Variants in SLC7A9 observed in about 807,000 individuals in gnomAD.
SLC7A9 encodes the protein B(0,+)-type amino acid transporter 1.
Under a neutral mutation model 54.1 loss-of-function variants are expected in SLC7A9, and 38 were observed. The observed-to-expected ratio is 0.70, with a 90% CI of 0.54 to 0.92. The LOEUF (loss-of-function observed/expected upper bound fraction) is 0.92. Ranked by LOEUF, SLC7A9 falls within the 40% of genes least tolerant of loss-of-function variation. The pLI, the probability that SLC7A9 is intolerant of heterozygous loss-of-function variation, is 0.00. For missense variants in SLC7A9, 537 were observed against 636.1 expected, an observed-to-expected ratio of 0.84 and a Z score of 1.68; for synonymous variants, 264 against 258.9, an observed-to-expected ratio of 1.02 and a Z score of -0.19.
rs181452959 is a variant in SLC7A9, at chr19:32,865,175, C to T, written c.88-399G>A. On this transcript the variant is annotated intron_variant, in intron 2 of 12. Transcript: ENST00000023064. ...ACAGCTCACCAATAAGAAAGGCCCT[C>T]GGGATACGCCTCTGAGCCTAGAGTC... is the stretch of plus-strand genomic sequence containing the variant. 1.1e-4 allele frequency among the ~76,000 whole-genome samples: 17 copies of T among 152,290 alleles called. No individual in the cohort carries two copies. In the East Asian group the frequency reaches 2.7e-3, roughly 24 times the overall value.
chr19:32,845,363 C>T (rs10419094), intron 9 of SLC7A9, among the ~76,000 whole-genome samples: 70,243 of 151,338 alleles, frequency 0.46, 17,377 homozygotes, highest in East Asian at 0.72. Context: ...GGTGTGGTGG[C>T]GGGCACCTGT....
rs1359844859 is a variant in SLC7A9, at chr19:32,834,365, C to T, written c.1225-1042G>A. ...AACCTGGAGGCTGGCTGCAGTGGTT[C>T]GCTCCTGTAATCCCAGCACTTTGGG... On this transcript the variant is annotated intron_variant, in intron 11 of 12. Coordinates refer to ENST00000023064, the MANE Select transcript of SLC7A9 (RefSeq NM_014270.5). Among the ~76,000 whole-genome samples, 5 of 152,190 alleles carry T rather than the reference C, an allele frequency of 3.3e-5. No individual in the cohort carries two copies. The South Asian group carries it at 8.3e-4, about 25-fold the overall frequency.
intron 2 of SLC7A9, among the ~76,000 whole-genome samples, chr19:32,867,188 A>G (rs1968996802): frequency 6.6e-6 from 1 of 152,186 alleles, no homozygotes; most frequent in Non-Finnish European, 1.5e-5. Flanking sequence ...ACAGGCATTT[A>G]GAGGGGACTC....
intron 12 of SLC7A9, among the ~76,000 whole-genome samples, chr19:32,832,100 A>ACC (rs1967813680): frequency 6.6e-6 from 1 of 150,990 alleles, no homozygotes; most frequent in African/African-American, 2.4e-5. Flanking sequence ...ACATGATGAA[A>ACC]CCCCGACTCT....
intron 11 of SLC7A9, among the ~76,000 whole-genome samples, chr19:32,839,547 C>T (rs763848113): frequency 1.1e-3 from 145 of 136,086 alleles, no homozygotes; most frequent in Non-Finnish European, 1.8e-3. Context: ...AGTGACACTC[C>T]GTCTCAAAAA....
intron 9 of SLC7A9, among the ~76,000 whole-genome samples, chr19:32,844,349 T>C (rs779912451): frequency 6.6e-6 from 1 of 152,190 alleles, no homozygotes; most frequent in Non-Finnish European, 1.5e-5. Context: ...CCTAGCTATC[T>C]GAAGCTACAT....
chr19:32,846,794 A>G (rs1968311062), intron 9 of SLC7A9, among the ~76,000 whole-genome samples: 1 of 152,216 alleles, frequency 6.6e-6, no homozygotes, highest in Non-Finnish European at 1.5e-5. Flanking sequence ...GACACCTCAC[A>G]TGGCCGGGTA....
intron 12 of SLC7A9, chr19:32,831,290 GTT>G (rs1002457501): frequency 1.3e-5 from 2 of 152,874 alleles, no homozygotes; most frequent in African/African-American, 4.8e-5. Context: ...TAGACTTTTT[GTT>G]TTTGTGTTTT....
At chr19:32,863,986 C>T in intron 4 of SLC7A9, 110 bp downstream of exon 4, 7 of 1,553,228 alleles carry the variant, frequency 4.5e-6, no homozygotes, top group South Asian at 1.1e-5. Flanking sequence ...GATGCCAGGC[C>T]CTGCCTGGGC....
At chr19:32,858,615 T>C (rs1968699546) in intron 8 of SLC7A9, 72 bp from the exon 9 acceptor site, 1 of 1,247,156 alleles carries the variant, frequency 8.0e-7, no homozygotes, top group South Asian at 1.3e-5. Context: ...CCAAAAGCTA[T>C]TCTGGCCTCC....
chr19:32,868,432 C>A lies in SLC7A9; in HGVS notation c.87+16G>T. The A allele has an allele frequency of 6.2e-7, 1 of 1,611,398 alleles. No individual in the cohort carries two copies. The highest frequency in any genetic ancestry group is 8.5e-7 in the Non-Finnish European group (1 of 1,177,614). ...CCTAACCTGCAAAGGGCCTGCCCCA[C>A]CAGAGACCGCCTTACCTCCTTTTGG... On this transcript the variant is annotated intron_variant, in intron 2 of 12. Transcript: ENST00000023064.
intron 9 of SLC7A9, among the ~76,000 whole-genome samples, chr19:32,847,831 G>A (rs1026159735): frequency 8.5e-5 from 13 of 152,254 alleles, no homozygotes; most frequent in Admixed American, 2.0e-4. Context: ...GACTAACAGC[G>A]GATCTCTTGG....
chr19:32,865,763 G>A (rs1025388080), intron 2 of SLC7A9, among the ~76,000 whole-genome samples: 1 of 152,132 alleles, frequency 6.6e-6, no homozygotes, highest in Admixed American at 6.5e-5. Context: ...CTGAGGTTGG[G>A]AGTGGGAGAC....
Position 32,868,443 on chromosome 19 carries a change from C to A in SLC7A9, c.87+5G>T. On this transcript the variant is annotated splice_donor_5th_base_variant and intron_variant, in intron 2 of 12. Coordinates refer to ENST00000023064, the MANE Select transcript of SLC7A9 (RefSeq NM_014270.5). ...AAGGGCCTGCCCCACCAGAGACCGCCTTACCTCCTTTTGGAGACTGGTGGT... is the reference window on the plus strand; with the variant it reads ...AAGGGCCTGCCCCACCAGAGACCGCATTACCTCCTTTTGGAGACTGGTGGT... The A allele has an allele frequency of 6.2e-7, 1 of 1,613,494 alleles. No homozygotes were observed. The highest frequency in any genetic ancestry group is 8.5e-7 in the Non-Finnish European group (1 of 1,179,460).
chr19:32,857,422 CGACAGAGTGA>C (rs1968660359), intron 9 of SLC7A9, among the ~76,000 whole-genome samples: 1 of 151,674 alleles, frequency 6.6e-6, no homozygotes, highest in South Asian at 2.1e-4. Flanking sequence ...CCAGCCTGGG[CGACAGAGTGA>C]GACCTTGCCT....
Position 32,833,140 on chromosome 19 carries a change from G to C in SLC7A9, c.1399+9C>G, listed in dbSNP as rs1376431176. On this transcript the variant is annotated intron_variant, in intron 12 of 12. Coordinates refer to ENST00000023064, the MANE Select transcript of SLC7A9 (RefSeq NM_014270.5). ...ACAGAGGCCAAGCGGCCCTTCTGTT[G>C]GTACTTACTTGAGATTTTCTGAGCC... 1 of 1,613,792 alleles carries C rather than the reference G, an allele frequency of 6.2e-7. No homozygotes were observed. Among genetic ancestry groups the C allele is most frequent in the East Asian group, 2.2e-5 (1 of 44,868 alleles).
intron 9 of SLC7A9, among the ~76,000 whole-genome samples, chr19:32,858,204 G>C (rs1053359743): frequency 1.3e-5 from 2 of 152,126 alleles, no homozygotes; most frequent in Non-Finnish European, 2.9e-5. Flanking sequence ...GAGTGGAAAG[G>C]CTGAGATTCC....
At chr19:32,850,087 CA>C (rs1373879062) in intron 9 of SLC7A9, among the ~76,000 whole-genome samples, 6 of 150,306 alleles carry the variant, frequency 4.0e-5, no homozygotes, top group African/African-American at 1.5e-4. Flanking sequence ...ACTGAATGGG[CA>C]AAAACTGGAA....
chr19:32,867,114 A>C (rs1968994404), intron 2 of SLC7A9, among the ~76,000 whole-genome samples: 1 of 152,216 alleles, frequency 6.6e-6, no homozygotes, highest in Non-Finnish European at 1.5e-5. Flanking sequence ...GATGCCTCTA[A>C]GACAGAACAG....
Sources: allele counts gnomAD v4.1 joint callset (sites outside exome capture counted in the v4.1 genomes callset), GRCh38; gene constraint gnomAD v4.1.1; transcripts MANE v1.5; gene names NCBI Gene and HGNC (gene_info 2026-07-23, HGNC 2026-07-21).